The following ARHGEF33 variants were observed in gnomAD, a reference collection of about 807,000 sequenced individuals.
ARHGEF33 encodes DH and coiled-coil domain-containing protein ENSP00000381780.
Under a neutral mutation model 101.9 loss-of-function variants are expected in ARHGEF33, and 72 were observed. That is an observed-to-expected ratio of 0.71 (90% confidence interval 0.58 to 0.86). The LOEUF (loss-of-function observed/expected upper bound fraction) is 0.86. Among genes scored for constraint, ARHGEF33 ranks in the 40% least tolerant of loss-of-function variants. ARHGEF33 has a pLI of 0.00. For synonymous variants in ARHGEF33, 499 were observed against 442.5 expected, an observed-to-expected ratio of 1.13 and a Z score of -1.60; for missense variants, 1,169 against 1,111.3, an observed-to-expected ratio of 1.05 and a Z score of -0.74.
intron 2 of ARHGEF33, among the ~76,000 whole-genome samples, chr2:38,909,254 A>C (rs1666458246): frequency 6.6e-6 from 1 of 152,162 alleles, no homozygotes; most frequent in African/African-American, 2.4e-5. Flanking sequence ...CCATTTTCAA[A>C]ATAAGGCCAC....
At chr2:38,911,296 C>T (rs1467918047) in intron 2 of ARHGEF33, among the ~76,000 whole-genome samples, 1 of 152,158 alleles carries the variant, frequency 6.6e-6, no homozygotes, top group African/African-American at 2.4e-5. Flanking sequence ...TCATCACCCT[C>T]CCCCCAGCAT....
In ARHGEF33 at chr2:38,958,131, A is replaced by T. The variant is rs757903092; in HGVS notation, c.1468A>T (p.Thr490Ser). ...PTAGPEAVRD[T>S]GIHSEELLQP... ...TGCAGGTCCTGAGGCTGTCCGTGAC[A>T]CTGGGATCCACTCAGAAGAGTTGCT... The change falls in exon 15 of 18, where the codon ACT becomes TCT. Residue 490 changes from threonine to serine, a missense_variant. Physicochemically the swap from Thr to Ser is moderately conservative, Grantham distance 58. Transcript: ENST00000409978. The T allele has an allele frequency of 6.1e-5, 94 of 1,551,838 alleles. 1 individual carries two copies. Among genetic ancestry groups the T allele is most frequent in the South Asian group, 2.3e-4 (19 of 84,066 alleles).
intron 1 of ARHGEF33, among the ~76,000 whole-genome samples, chr2:38,893,157 CT>C (rs11302987): frequency 0.81 from 98,567 of 122,330 alleles, 40,056 homozygotes; most frequent in East Asian, 0.94. Flanking sequence ...TCTGGTAATC[CT>C]TTTTTTTTTT....
intron 1 of ARHGEF33, among the ~76,000 whole-genome samples, chr2:38,890,691 A>G (rs1665977329): frequency 6.6e-6 from 1 of 152,238 alleles, no homozygotes. Context: ...AGAAATCTCT[A>G]TATCACCCTT....
intron 2 of ARHGEF33, among the ~76,000 whole-genome samples, chr2:38,908,812 G>A (rs911398126): frequency 4.6e-5 from 7 of 152,226 alleles, no homozygotes; most frequent in Admixed American, 3.3e-4. Flanking sequence ...CCAGGGAGTG[G>A]GAACAAGGGG....
At chr2:38,973,598 T>G in intron 17 of ARHGEF33, 116 bp from the exon 18 acceptor site, 1 of 1,179,224 alleles carries the variant, frequency 8.5e-7, no homozygotes, top group Non-Finnish European at 1.1e-6. Flanking sequence ...GTAAAAAGTA[T>G]TCCAGTTCTA....
intron 2 of ARHGEF33, among the ~76,000 whole-genome samples, chr2:38,897,454 T>A (rs1215282751): frequency 6.6e-6 from 1 of 152,178 alleles, no homozygotes; most frequent in Non-Finnish European, 1.5e-5. Flanking sequence ...CTGTAGAAAC[T>A]CAAAGAACTC....
At chr2:38,892,856 T>G (rs906006056) in intron 1 of ARHGEF33, among the ~76,000 whole-genome samples, 1 of 152,136 alleles carries the variant, frequency 6.6e-6, no homozygotes, top group Non-Finnish European at 1.5e-5. Context: ...CTAATTCAGG[T>G]CATCATTATC....
chr2:38,929,918 G>T, intron 6 of ARHGEF33, 88 bp downstream of exon 6: 1 of 1,223,750 alleles, frequency 8.2e-7, no homozygotes, highest in Non-Finnish European at 1.1e-6. Flanking sequence ...CACTATCAGT[G>T]TATAGCTAGC....
chr2:38,927,461 C>T (rs955962056), intron 4 of ARHGEF33, among the ~76,000 whole-genome samples: 1 of 152,114 alleles, frequency 6.6e-6, no homozygotes. Context: ...TTTGGGAGGC[C>T]AAGAAGGGTG....
rs1191391040 is a variant in ARHGEF33 at position 38,899,328 on chromosome 2, CAGTAAAATTGCTAGTATAAAG to C, written c.-86+3493_-86+3513del. On this transcript the variant is annotated intron_variant, in intron 2 of 17. Coordinates refer to ENST00000409978, the MANE Select transcript of ARHGEF33 (RefSeq NM_001145451.5). Reference sequence around the variant, plus strand: ...AATTAAGTAAAATTGCTAGTATAAACAGTAAAATTGCTAGTATAAAGAGTAAAATTGCTACTATAAGGAGAT... The same window carrying C: ...AATTAAGTAAAATTGCTAGTATAAACAGTAAAATTGCTACTATAAGGAGAT... Among the ~76,000 whole-genome samples, 9 of 152,076 alleles carry C rather than the reference CAGTAAAATTGCTAGTATAAAG, an allele frequency of 5.9e-5. No homozygotes were observed. The East Asian group carries it at 1.5e-3, about 26-fold the overall frequency.
At chr2:38,893,609 G>T (rs1279989554) in intron 1 of ARHGEF33, among the ~76,000 whole-genome samples, 1 of 151,960 alleles carries the variant, frequency 6.6e-6, no homozygotes. Flanking sequence ...TTTTTCATTT[G>T]TCACAATCCA....
intron 9 of ARHGEF33, among the ~76,000 whole-genome samples, 182 bp from the exon 10 acceptor site, chr2:38,943,719 C>A (rs1667369743): frequency 6.6e-6 from 1 of 152,240 alleles, no homozygotes; most frequent in Non-Finnish European, 1.5e-5. Flanking sequence ...ACCAAGACTT[C>A]GTGCCCTTTG....
In ARHGEF33 at chr2:38,944,155, A is replaced by G. The variant is rs116449271; in HGVS notation, c.920+125A>G. 5.2e-4 allele frequency: 518 copies of G among 1,002,296 alleles called. 2 individuals carry two copies. In the African/African-American group the frequency reaches 8.1e-3, roughly 16 times the overall value. 62.1% of individuals were successfully genotyped at this position (1,002,296 alleles called of 1,614,324 possible). ...TCCAGAAATAGTCTTTGAAAAGAGA[A>G]GAGGCAGTGATGGCAGATGTCTCAG... is the stretch of plus-strand genomic sequence containing the variant. On this transcript the variant is annotated intron_variant, in intron 10 of 17. Transcript: ENST00000409978.
At chr2:38,914,629 T>C (rs910317970) in intron 2 of ARHGEF33, among the ~76,000 whole-genome samples, 2 of 144,426 alleles carry the variant, frequency 1.4e-5, no homozygotes, top group African/African-American at 2.6e-5. Flanking sequence ...ATCTCACCAC[T>C]GTACTCCAGC....
chr2:38,891,592 C>A (rs1666000066), intron 1 of ARHGEF33, among the ~76,000 whole-genome samples: 1 of 152,060 alleles, frequency 6.6e-6, no homozygotes, highest in Non-Finnish European at 1.5e-5. Flanking sequence ...CAGGTTAAGA[C>A]CCTTAGACTT....
chr2:38,921,370 G>T lies in ARHGEF33; in HGVS notation c.26-4G>T, dbSNP rs1405612953. ...TGATTAAACAAAGCTCTTTCTCCCT[G>T]CAGGAGAGAATGAACATATGCCGGT... is the stretch of plus-strand genomic sequence containing the variant. On this transcript the variant is annotated splice_region_variant and splice_polypyrimidine_tract_variant and intron_variant, in intron 3 of 17. Coordinates refer to ENST00000409978, the MANE Select transcript of ARHGEF33 (RefSeq NM_001145451.5). 3.3e-6 allele frequency: 5 copies of T among 1,526,264 alleles called. No homozygotes were observed. The highest frequency in any genetic ancestry group is 4.4e-6 in the Non-Finnish European group (5 of 1,123,784). The allele number at this position is 1,526,264 out of a possible 1,614,324, so 94.5% of individuals were successfully genotyped here.
chr2:38,945,506 C>T (rs939827074), intron 10 of ARHGEF33, among the ~76,000 whole-genome samples: 15 of 152,256 alleles, frequency 9.9e-5, no homozygotes, highest in African/African-American at 3.6e-4. Context: ...AGATTCTCAG[C>T]CATCCTTCCT....
At chr2:38,895,995 A>G (rs764683156) in intron 2 of ARHGEF33, 146 bp downstream of exon 2, 2 of 152,224 alleles carry the variant, frequency 1.3e-5, no homozygotes, top group Non-Finnish European at 2.9e-5. Flanking sequence ...ATAACCATCA[A>G]ATAAACAAAT....
Sources: allele counts gnomAD v4.1 joint callset (sites outside exome capture counted in the v4.1 genomes callset), GRCh38; gene constraint gnomAD v4.1.1; transcripts MANE v1.5; gene names NCBI Gene and HGNC (gene_info 2026-07-23, HGNC 2026-07-21).